LRIG1: variants seen among roughly 807,000 people sequenced by gnomAD.
The protein encoded by LRIG1 is leucine-rich repeats and immunoglobulin-like domains protein 1.
In LRIG1, 48 loss-of-function variants were observed where a neutral mutation model predicts 99.2. The ratio of observed to expected loss-of-function variants is 0.48; its 90% CI spans 0.38 to 0.62. The LOEUF (loss-of-function observed/expected upper bound fraction) is 0.62, where lower values mean the gene tolerates loss of function less well. Among genes scored for constraint, LRIG1 ranks in the 20% least tolerant of loss-of-function variants. The pLI is 0.00. For synonymous variants in LRIG1, 772 were observed against 596.1 expected, an observed-to-expected ratio of 1.29 and a Z score of -4.30; for missense variants, 1,646 against 1,434.4, an observed-to-expected ratio of 1.15 and a Z score of -2.38.
chr3:66,406,425 C>A (rs1200938600), intron 8 of LRIG1: 1 of 985,326 alleles, frequency 1.0e-6, no homozygotes, highest in African/African-American at 1.7e-5. Context: ...TATGGGCTCA[C>A]AGGCTGACCT....
chr3:66,380,558 G>A lies in LRIG1; in HGVS notation c.3055+19C>T. The stretch of plus-strand genomic sequence containing the variant: ...TAAGCAGCTCCCAACCCACCTGTTA[G>A]AAGACAGTCAAAAGTTACCTTTCCC... On this transcript the variant is annotated intron_variant, in intron 18 of 18. Coordinates refer to ENST00000273261, the MANE Select transcript of LRIG1 (RefSeq NM_015541.3). The A allele has an allele frequency of 1.2e-6, 2 of 1,613,442 alleles. No individual in the cohort carries two copies. The highest frequency in any genetic ancestry group is 1.7e-4 in the Middle Eastern group (1 of 6,060).
At chr3:66,491,285 C>T (rs1701095879) in intron 1 of LRIG1, among the ~76,000 whole-genome samples, 1 of 152,202 alleles carries the variant, frequency 6.6e-6, no homozygotes, top group South Asian at 2.1e-4. Flanking sequence ...TGAGACATCA[C>T]TTTTTAAATG....
At chr3:66,495,365 C>A (rs942762070) in intron 1 of LRIG1, among the ~76,000 whole-genome samples, 1 of 152,166 alleles carries the variant, frequency 6.6e-6, no homozygotes, top group African/African-American at 2.4e-5. Flanking sequence ...TTAACACGGC[C>A]CAGAGTTCTG....
intron 9 of LRIG1, chr3:66,404,113 A>C (rs764679521): frequency 4.0e-5 from 20 of 497,716 alleles, no homozygotes; most frequent in Non-Finnish European, 7.1e-5. Flanking sequence ...CTCAAGAAGT[A>C]CCTTCTTCAG....
At chr3:66,466,048 T>TA (rs1700465784) in intron 1 of LRIG1, among the ~76,000 whole-genome samples, 1 of 152,208 alleles carries the variant, frequency 6.6e-6, no homozygotes, top group Non-Finnish European at 1.5e-5. Context: ...TCATTTTTTT[T>TA]AGAGACAGGG....
At chr3:66,462,537 G>A (rs369569729) in intron 1 of LRIG1, 28 bp from the exon 2 acceptor site, 7 of 1,523,778 alleles carry the variant, frequency 4.6e-6, no homozygotes, top group African/African-American at 4.1e-5. Context: ...AGAAAAAAAC[G>A]GAATCAACAA....
rs771379143 is a variant in LRIG1, at chr3:66,500,344, A to AGAGAAG, written c.58_63dup (p.Leu20_Leu21dup). ...GGCTCCAGCCGAAGCAAAAGCAGCC[A>AGAGAAG]GAGAAGGAGAAGGCAAGGCGAGCGG... On this transcript the variant is annotated inframe_insertion, in exon 1 of 19. Transcript: ENST00000273261. 4.0e-6 allele frequency: 6 copies of AGAGAAG among 1,494,722 alleles called. No homozygotes were observed. Among genetic ancestry groups the AGAGAAG allele is most frequent in the Admixed American group, 4.7e-5 (2 of 42,814 alleles). 92.6% of individuals were successfully genotyped at this position (1,494,722 alleles called of 1,614,324 possible).
At chr3:66,439,363 T>C (rs1703466614) in intron 3 of LRIG1, among the ~76,000 whole-genome samples, 1 of 152,256 alleles carries the variant, frequency 6.6e-6, no homozygotes, top group South Asian at 2.1e-4. Context: ...AAAAGTCACA[T>C]TCTAAAAAGT....
chr3:66,462,453 G>A lies in LRIG1; in HGVS notation c.275C>T (p.Pro92Leu), dbSNP rs533819690. 2.5e-5 allele frequency: 41 copies of A among 1,612,248 alleles called. No homozygotes were observed. The highest frequency in any genetic ancestry group is 1.5e-4 in the Admixed American group (9 of 59,826). The change falls in exon 2 of 19, where the codon CCG becomes CTG. Residue 92 changes from proline (P) to leucine (L), a missense_variant. Transcript: ENST00000273261. Reference protein sequence around the residue: ...EIDPAGFEDLPNLQEVYLNNN... With the variant: ...EIDPAGFEDLLNLQEVYLNNN... ...GGAGACTCACACTTCCTGTAGGTTCGGCAAGTCCTCAAAACCAGCAGGGTC... is the reference window on the plus strand; with the variant it reads ...GGAGACTCACACTTCCTGTAGGTTCAGCAAGTCCTCAAAACCAGCAGGGTC...
intron 9 of LRIG1, among the ~76,000 whole-genome samples, chr3:66,403,079 T>C (rs1338477572): frequency 1.3e-5 from 2 of 152,128 alleles, no homozygotes; most frequent in African/African-American, 4.8e-5. Context: ...CCATGCTAGG[T>C]AGACGGAGTA....
At chr3:66,438,572 C>T (rs772200075) in intron 3 of LRIG1, among the ~76,000 whole-genome samples, 3 of 152,186 alleles carry the variant, frequency 2.0e-5, no homozygotes, top group Non-Finnish European at 2.9e-5. Flanking sequence ...ACACTCGTTC[C>T]TCTGAACACT....
intron 3 of LRIG1, among the ~76,000 whole-genome samples, chr3:66,418,764 C>G (rs1433708022): frequency 6.6e-6 from 1 of 152,178 alleles, no homozygotes; most frequent in Non-Finnish European, 1.5e-5. Context: ...CAGGCATAAA[C>G]AAGGACCTCT....
intron 3 of LRIG1, among the ~76,000 whole-genome samples, chr3:66,443,310 G>GGGGGCAGGGGATGAGTGA (rs1244874716): frequency 2.8e-5 from 4 of 141,702 alleles, no homozygotes; most frequent in Admixed American, 6.9e-5. Flanking sequence ...GGTATGTGTT[G>GGGGGCAGGGGATGAGTGA]GGGGCAGGGG....
At position 66,426,786 on chromosome 3, in the gene LRIG1, C is replaced by T. The variant is rs554845044; in HGVS notation, c.366-9520G>A. 8.9e-4 allele frequency among the ~76,000 whole-genome samples: 135 copies of T among 152,230 alleles called. 1 individual carries two copies. The South Asian group carries it at 0.019, about 22-fold the overall frequency. ...CCTATATCCTTCCTCGTTTCAGTTC[C>T]GCCAATTAGTCTGAAACATACTGAA... is the stretch of plus-strand genomic sequence containing the variant. On this transcript the variant is annotated intron_variant, in intron 3 of 18. Coordinates refer to ENST00000273261, the MANE Select transcript of LRIG1 (RefSeq NM_015541.3).
chr3:66,500,671 C>T lies in LRIG1; in HGVS notation c.-264G>A. The T allele has an allele frequency of 3.6e-6, 1 of 275,204 alleles. No homozygotes were observed. The highest frequency in any genetic ancestry group is 6.8e-6 in the Non-Finnish European group (1 of 147,916). 17.0% of individuals were successfully genotyped at this position (275,204 alleles called of 1,614,324 possible). ...CCGCCCGCGCTAGCTGCGAACTCCGCCGATTCGGGCAAGGTGTACCCAGCC... is the reference window on the plus strand; with the variant it reads ...CCGCCCGCGCTAGCTGCGAACTCCGTCGATTCGGGCAAGGTGTACCCAGCC... On this transcript the variant is annotated 5_prime_UTR_variant, in exon 1 of 19. Coordinates refer to ENST00000273261, the MANE Select transcript of LRIG1 (RefSeq NM_015541.3).
chr3:66,491,589 G>A (rs1701102898), intron 1 of LRIG1, among the ~76,000 whole-genome samples: 1 of 152,132 alleles, frequency 6.6e-6, no homozygotes, highest in Non-Finnish European at 1.5e-5. Context: ...TAAAATGAAT[G>A]TCAATTTTTT....
At chr3:66,395,946 T>A (rs1424676291) in intron 11 of LRIG1, among the ~76,000 whole-genome samples, 1 of 152,220 alleles carries the variant, frequency 6.6e-6, no homozygotes, top group Non-Finnish European at 1.5e-5. Context: ...GGCTGGGCCA[T>A]CCCTGTGCGA....
intron 1 of LRIG1, among the ~76,000 whole-genome samples, chr3:66,468,450 A>G: frequency 6.6e-6 from 1 of 152,190 alleles, no homozygotes; most frequent in East Asian, 1.9e-4. Context: ...AGGTTTTCAT[A>G]CTTGGTTTGG....
rs1330476109 is a variant in LRIG1, at chr3:66,500,827, C to G, written c.-420G>C. The G allele has an allele frequency of 6.5e-6, 1 of 153,110 alleles. No individual in the cohort carries two copies. Among genetic ancestry groups the G allele is most frequent in the African/African-American group, 2.4e-5 (1 of 41,468 alleles). The allele number at this position is 153,110 out of a possible 1,614,324, so 9.5% of individuals were successfully genotyped here. On this transcript the variant is annotated 5_prime_UTR_variant, in exon 1 of 19. Transcript: ENST00000273261. The stretch of plus-strand genomic sequence containing the variant: ...GCTCGGTGCCGGCAGGCATCTTCCT[C>G]TGGGCTCGGAGCGCAAAGCCGTAGA...
Sources: gnomAD v4.1 joint callset for allele counts (sites outside exome capture counted in the v4.1 genomes callset) on GRCh38, gnomAD v4.1.1 for gene constraint, MANE v1.5 for transcripts, NCBI Gene and HGNC (gene_info 2026-07-23, HGNC 2026-07-21) for gene names.